Variants in ABCA12 observed in about 807,000 individuals in gnomAD.
The protein encoded by ABCA12 is glucosylceramide transporter ABCA12.
ABCA12 carries 156 observed loss-of-function variants against 293.5 expected under a neutral mutation model. That is an observed-to-expected ratio of 0.53 (90% confidence interval 0.47 to 0.61). The LOEUF is 0.61. Ranked by LOEUF, ABCA12 falls within the 20% of genes least tolerant of loss-of-function variation. ABCA12 has a pLI of 0.00. For missense variants in ABCA12, 2,797 were observed against 3,090.2 expected (o/e 0.91, Z 2.25); for synonymous variants, 1,063 against 1,108.0 (o/e 0.96, Z 0.81).
chr2:215,105,852 G>A (rs952370225), intron 2 of ABCA12, among the ~76,000 whole-genome samples: 1 of 152,174 alleles, frequency 6.6e-6, no homozygotes. Context: ...TGGTACTCAT[G>A]AGAATGCAGA....
At chr2:215,105,249 A>C (rs984556232) in intron 2 of ABCA12, among the ~76,000 whole-genome samples, 10 of 152,200 alleles carry the variant, frequency 6.6e-5, no homozygotes, top group Non-Finnish European at 1.0e-4. Flanking sequence ...AGAGATATAA[A>C]GGAAAATTGA....
rs10633768 is a variant in ABCA12 at position 214,944,873 on chromosome 2, G to GTATA, written c.7343+124_7343+127dup. ...TTGTGTGTATATATTTTGTATGTGT[G>GTATA]TATATATATATATACACACACATAT... On this transcript the variant is annotated intron_variant, in intron 49 of 52. Transcript: ENST00000272895. 2.2e-3 allele frequency: 1,340 copies of GTATA among 621,146 alleles called. 1 individual carries two copies. The highest frequency in any genetic ancestry group is 6.7e-3 in the South Asian group (352 of 52,338). The allele number at this position is 621,146 out of a possible 1,614,324, so 38.5% of individuals were successfully genotyped here. A position where few individuals can be genotyped will look rare whatever the true frequency, so the allele number is the denominator to read the frequency against.
intron 6 of ABCA12, among the ~76,000 whole-genome samples, chr2:215,046,637 A>T (rs1260063902): frequency 7.1e-6 from 1 of 141,614 alleles, no homozygotes; most frequent in Non-Finnish European, 1.5e-5. Context: ...ATGACTGCCA[A>T]TTTTGTTAAA....
chr2:215,091,849 C>T (rs1702154168), intron 2 of ABCA12, among the ~76,000 whole-genome samples: 1 of 152,238 alleles, frequency 6.6e-6, no homozygotes, highest in South Asian at 2.1e-4. Flanking sequence ...GACGTCCTCC[C>T]CCAGGATCTT....
rs1161603641 is a variant in ABCA12, at chr2:215,134,599, C to CTA, written c.69+3539_69+3540dup. 4.3e-3 allele frequency among the ~76,000 whole-genome samples: 367 copies of CTA among 85,172 alleles called. 10 individuals are homozygous for CTA. The highest frequency in any genetic ancestry group is 0.018 in the African/African-American group (237 of 12,962). 55.9% of individuals were successfully genotyped at this position (85,172 alleles called of 152,430 possible). ...ATAATCTCTCTCTCTCTCTCTCTCT[C>CTA]TATATATATATATATATAGAGAGAG... On this transcript the variant is annotated intron_variant, in intron 1 of 52. Coordinates refer to ENST00000272895, the MANE Select transcript of ABCA12 (RefSeq NM_173076.3).
chr2:214,939,167 G>C (rs1009028569), intron 50 of ABCA12, among the ~76,000 whole-genome samples: 1 of 151,936 alleles, frequency 6.6e-6, no homozygotes, highest in Non-Finnish European at 1.5e-5. Context: ...GTCCAGTTTC[G>C]GTTTTCTGCA....
chr2:215,104,996 GT>G (rs201527368), intron 2 of ABCA12, among the ~76,000 whole-genome samples: 1,735 of 152,088 alleles, frequency 0.011, 32 homozygotes, highest in African/African-American at 0.04. Context: ...CTCACATTGA[GT>G]TTTTTTTACT....
At chr2:215,018,876 T>C (rs994407500) in intron 13 of ABCA12, among the ~76,000 whole-genome samples, 1 of 152,262 alleles carries the variant, frequency 6.6e-6, no homozygotes, top group Non-Finnish European at 1.5e-5. Flanking sequence ...CTTTCAGTAT[T>C]GAGGAATTAT....
chr2:214,964,030 T>C (rs1463764688), intron 39 of ABCA12, among the ~76,000 whole-genome samples: 3 of 151,872 alleles, frequency 2.0e-5, no homozygotes, highest in South Asian at 4.1e-4. Flanking sequence ...TCAAAAAGCT[T>C]ATCTGCCACA....
At chr2:214,985,879 A>C (rs1354558272) in intron 28 of ABCA12, among the ~76,000 whole-genome samples, 2 of 152,158 alleles carry the variant, frequency 1.3e-5, no homozygotes, top group Non-Finnish European at 2.9e-5. Context: ...ACTCAAAAGA[A>C]TGTCACTTTA....
chr2:214,966,368 A>T (rs1249647084), intron 39 of ABCA12, among the ~76,000 whole-genome samples: 1 of 152,200 alleles, frequency 6.6e-6, no homozygotes, highest in Admixed American at 6.5e-5. Context: ...AAACCTGCAC[A>T]TCTGGCACAT....
At chr2:214,938,419 A>G (rs945758305) in intron 50 of ABCA12, among the ~76,000 whole-genome samples, 6 of 152,176 alleles carry the variant, frequency 3.9e-5, no homozygotes, top group Non-Finnish European at 7.4e-5. Flanking sequence ...GTGCTGCAGT[A>G]AACATACATG....
intron 2 of ABCA12, among the ~76,000 whole-genome samples, chr2:215,090,399 C>G (rs937217028): frequency 6.6e-6 from 1 of 152,158 alleles, no homozygotes; most frequent in Non-Finnish European, 1.5e-5. Context: ...CCTACCACCT[C>G]GGGTCCTCAG....
chr2:215,041,422 C>T (rs1040235486), intron 7 of ABCA12, among the ~76,000 whole-genome samples: 4 of 151,888 alleles, frequency 2.6e-5, no homozygotes, highest in South Asian at 4.2e-4. Context: ...CATGGTGGCA[C>T]GTGCCTGTAG....
intron 1 of ABCA12, among the ~76,000 whole-genome samples, chr2:215,114,962 A>G (rs1702655402): frequency 6.6e-6 from 1 of 152,192 alleles, no homozygotes; most frequent in Non-Finnish European, 1.5e-5. Flanking sequence ...ATCCACATTC[A>G]GATAAGGGGC....
chr2:214,991,068 G>A (rs1184914172), intron 23 of ABCA12, 37 bp from the exon 24 acceptor site: 8 of 1,564,598 alleles, frequency 5.1e-6, no homozygotes, highest in Non-Finnish European at 6.2e-6. Flanking sequence ...TTGTTATGCT[G>A]ATATTCTTCC....
intron 51 of ABCA12, among the ~76,000 whole-genome samples, chr2:214,935,141 A>G (rs1012094490): frequency 7.9e-5 from 12 of 152,284 alleles, no homozygotes; most frequent in Admixed American, 3.3e-4. Flanking sequence ...TCCCATTGAC[A>G]TGCAGTTGCA....
At chr2:214,986,510 C>A in intron 28 of ABCA12, 32 bp downstream of exon 28, 1 of 1,601,708 alleles carries the variant, frequency 6.2e-7, no homozygotes, top group East Asian at 2.2e-5. Context: ...TAACATGCTT[C>A]CATGGCAATA....
At chr2:214,978,734 G>T in intron 32 of ABCA12, 70 bp downstream of exon 32, 4 of 1,505,176 alleles carry the variant, frequency 2.7e-6, no homozygotes, top group Non-Finnish European at 3.7e-6. Flanking sequence ...TAGAAAAATG[G>T]CACATATTTC....
Sources: gnomAD v4.1 joint callset for allele counts (sites outside exome capture counted in the v4.1 genomes callset) on GRCh38, gnomAD v4.1.1 for gene constraint, MANE v1.5 for transcripts, NCBI Gene and HGNC (gene_info 2026-07-23, HGNC 2026-07-21) for gene names.